Variants in TRIO observed in about 807,000 individuals in gnomAD.
The protein encoded by TRIO is trio Rho guanine nucleotide exchange factor, also known as triple functional domain protein.
Under a neutral mutation model 351.9 loss-of-function variants are expected in TRIO, and 58 were observed. The observed-to-expected ratio is 0.16, with a 90% CI of 0.13 to 0.21. TRIO has a LOEUF of 0.21. TRIO is among the 10% of genes least tolerant of loss of function. TRIO has a pLI of 1.00. For synonymous variants in TRIO, 1,758 were observed against 1,595.7 expected (o/e 1.10, Z -2.42); for missense variants, 3,201 against 4,027.8 (o/e 0.79, Z 5.56).
chr5:14,174,157 A>G lies in TRIO; in HGVS notation c.157+30275A>G, dbSNP rs541670861. Among the ~76,000 whole-genome samples the G allele has an allele frequency of 1.2e-3, 186 of 152,330 alleles. 1 individual carries two copies. Among genetic ancestry groups the G allele is most frequent in the African/African-American group, 4.3e-3 (177 of 41,572 alleles). On this transcript the variant is annotated intron_variant, in intron 1 of 56. Transcript: ENST00000344204. ...AGTTGCCTTCCACCCGTGTGGCTGTAACCTTCTGTTGCTGTGGTTGTTAAC... is the reference window on the plus strand; with the variant it reads ...AGTTGCCTTCCACCCGTGTGGCTGTGACCTTCTGTTGCTGTGGTTGTTAAC...
intron 34 of TRIO, among the ~76,000 whole-genome samples, chr5:14,448,790 C>A (rs1018957139): frequency 6.6e-6 from 1 of 152,094 alleles, no homozygotes; most frequent in Non-Finnish European, 1.5e-5. Flanking sequence ...CCCAGCAAGG[C>A]TATCTGCTTT....
intron 34 of TRIO, among the ~76,000 whole-genome samples, chr5:14,426,775 G>A (rs1413798984): frequency 6.6e-6 from 1 of 152,186 alleles, no homozygotes; most frequent in Admixed American, 6.5e-5. Context: ...CTGTAAACAT[G>A]GCAGAACTGC....
chr5:14,335,415 C>G (rs1022863113), intron 10 of TRIO, among the ~76,000 whole-genome samples: 1 of 152,106 alleles, frequency 6.6e-6, no homozygotes, highest in African/African-American at 2.4e-5. Context: ...CTTAGAAGGC[C>G]TGAGCTCCGT....
chr5:14,473,894 G>A (rs1579760526), intron 39 of TRIO, 100 bp from the exon 40 acceptor site: 1 of 1,123,514 alleles, frequency 8.9e-7, no homozygotes, highest in African/African-American at 1.5e-5. Flanking sequence ...ACAAGACAGT[G>A]CATGTGTCCA....
chr5:14,225,733 G>C (rs1171348665), intron 1 of TRIO, among the ~76,000 whole-genome samples: 1 of 150,958 alleles, frequency 6.6e-6, no homozygotes, highest in Non-Finnish European at 1.5e-5. Flanking sequence ...GATGAACACA[G>C]AGTCAGCTCA....
rs544384208 is a variant in TRIO at position 14,238,740 on chromosome 5, GAA to G, written c.158-32082_158-32081del. Reference sequence around the variant, plus strand: ...CCTATTGGATGGTTCTTTTTAAAGAGAAAAGTTTGGAAAGGCCCTGGTGGGGG... The same window carrying G: ...CCTATTGGATGGTTCTTTTTAAAGAGAAGTTTGGAAAGGCCCTGGTGGGGG... On this transcript the variant is annotated intron_variant, in intron 1 of 56. Transcript: ENST00000344204. Among the ~76,000 whole-genome samples the G allele has an allele frequency of 7.9e-5, 12 of 152,270 alleles. No individual in the cohort carries two copies. In the South Asian group the frequency reaches 2.5e-3, roughly 32 times the overall value.
chr5:14,464,409 A>G (rs1754087083), intron 36 of TRIO, among the ~76,000 whole-genome samples: 1 of 152,120 alleles, frequency 6.6e-6, no homozygotes, highest in Non-Finnish European at 1.5e-5. Context: ...GCAGTTCTTC[A>G]TTTACAAAAA....
intron 1 of TRIO, among the ~76,000 whole-genome samples, chr5:14,202,681 C>G (rs954136079): frequency 6.7e-6 from 1 of 148,960 alleles, no homozygotes; most frequent in Non-Finnish European, 1.5e-5. Context: ...TAAGGAGTTT[C>G]CCCTTTTGCT....
intron 21 of TRIO, among the ~76,000 whole-genome samples, chr5:14,385,725 C>A (rs1746485603): frequency 6.6e-6 from 1 of 152,026 alleles, no homozygotes; most frequent in African/African-American, 2.4e-5. Context: ...TTTAAAAATA[C>A]CAATGCAAGT....
At chr5:14,504,269 G>T in intron 54 of TRIO, 124 bp from the exon 55 acceptor site, 1 of 1,048,178 alleles carries the variant, frequency 9.5e-7, no homozygotes, top group Non-Finnish European at 1.4e-6. Flanking sequence ...TGGAGTGGCC[G>T]GGAGAGCAGG....
chr5:14,167,748 G>A (rs528288851), intron 1 of TRIO, among the ~76,000 whole-genome samples: 94 of 152,270 alleles, frequency 6.2e-4, no homozygotes, highest in African/African-American at 2.2e-3. Context: ...AGCTCTTGGT[G>A]CCCTTGAAGA....
rs1369929492 is a variant in TRIO at position 14,405,970 on chromosome 5, C to T, written c.4839C>T (p.Ala1613=). The T allele has an allele frequency of 3.7e-6, 6 of 1,613,588 alleles. No individual in the cohort carries two copies. The highest frequency in any genetic ancestry group is 1.7e-5 in the Admixed American group (1 of 60,002). ...EPIHIPKTAP[A]TRQKGRRDGE... ...TTCACATCCCTAAGACCGCTCCCGC[C>T]ACAAGACAGAAGGGAAGGAGGTGCG... Residue 1613 remains alanine, a synonymous_variant, in exon 32 of 57, where the codon GCC becomes GCT. Coordinates refer to ENST00000344204, the MANE Select transcript of TRIO (RefSeq NM_007118.4).
chr5:14,440,458 A>G (rs1180713028), intron 34 of TRIO, among the ~76,000 whole-genome samples: 2 of 152,216 alleles, frequency 1.3e-5, no homozygotes, highest in Non-Finnish European at 2.9e-5. Context: ...ACATATGGAA[A>G]CTTTCAAAGA....
intron 1 of TRIO, among the ~76,000 whole-genome samples, chr5:14,268,537 G>A (rs1795817559): frequency 1.3e-5 from 2 of 152,180 alleles, no homozygotes; most frequent in Admixed American, 1.3e-4. Flanking sequence ...GCTTTGCTGT[G>A]TCCTGGCCAT....
intron 1 of TRIO, among the ~76,000 whole-genome samples, chr5:14,160,984 C>T (rs1192985934): frequency 2.0e-5 from 3 of 152,230 alleles, no homozygotes; most frequent in African/African-American, 7.2e-5. Flanking sequence ...GATTTTGACT[C>T]ACTCTATCTT....
At chr5:14,468,678 T>G (rs1408337561) in intron 37 of TRIO, among the ~76,000 whole-genome samples, 1 of 152,252 alleles carries the variant, frequency 6.6e-6, no homozygotes, top group Non-Finnish European at 1.5e-5. Flanking sequence ...CTGCAGTAGA[T>G]CCTTAAGCAT....
chr5:14,369,256 G>A (rs1744866585), intron 17 of TRIO, 118 bp from the exon 18 acceptor site: 1 of 1,402,092 alleles, frequency 7.1e-7, no homozygotes, highest in Admixed American at 2.4e-5. Context: ...TCCTTCTTAT[G>A]GTCTTGATCC....
At chr5:14,201,087 G>T (rs1055689799) in intron 1 of TRIO, among the ~76,000 whole-genome samples, 1 of 151,996 alleles carries the variant, frequency 6.6e-6, no homozygotes, top group Admixed American at 6.6e-5. Flanking sequence ...GAGAAACTCC[G>T]TCTCTACTAA....
At chr5:14,351,752 C>T (rs1040722543) in intron 11 of TRIO, among the ~76,000 whole-genome samples, 1 of 152,226 alleles carries the variant, frequency 6.6e-6, no homozygotes, top group African/African-American at 2.4e-5. Flanking sequence ...TTCCATACCC[C>T]ACCTCCAGAC....
Sources: allele counts gnomAD v4.1 joint callset (sites outside exome capture counted in the v4.1 genomes callset), GRCh38; gene constraint gnomAD v4.1.1; transcripts MANE v1.5; gene names NCBI Gene and HGNC (gene_info 2026-07-23, HGNC 2026-07-21).